The following CDH8 variants were observed in gnomAD, a reference collection of about 807,000 sequenced individuals.
CDH8 encodes cadherin-8.
In CDH8, 17 loss-of-function variants were observed where a neutral mutation model predicts 68.1. The observed-to-expected ratio is 0.25, with a 90% CI of 0.17 to 0.37. The LOEUF (loss-of-function observed/expected upper bound fraction) is 0.37. Among genes scored for constraint, CDH8 ranks in the 10% least tolerant of loss-of-function variants. The pLI is 1.00. For missense variants in CDH8, 763 were observed against 999.3 expected (o/e 0.76, Z 3.19); for synonymous variants, 372 against 365.1 (o/e 1.02, Z -0.21).
intron 3 of CDH8, among the ~76,000 whole-genome samples, chr16:61,876,719 C>A (rs900021263): frequency 6.6e-6 from 1 of 152,038 alleles, no homozygotes; most frequent in Non-Finnish European, 1.5e-5. Flanking sequence ...ATGCTCTCCT[C>A]ATTAAATGAA....
chr16:61,848,009 C>A (rs966503886), intron 4 of CDH8, among the ~76,000 whole-genome samples: 3 of 151,820 alleles, frequency 2.0e-5, no homozygotes, highest in Non-Finnish European at 2.9e-5. Flanking sequence ...ACATGTTTTC[C>A]TATAAAATTA....
At chr16:61,759,972 G>A (rs3905448) in intron 8 of CDH8, among the ~76,000 whole-genome samples, 10,681 of 151,894 alleles carry the variant, frequency 0.07, 902 homozygotes, top group East Asian at 0.23. Flanking sequence ...TGTTAGTCTT[G>A]GAACACCAAT....
At position 61,649,025 on chromosome 16, in the gene CDH8, CTGTT is replaced by C. The variant is rs1306488633; in HGVS notation, c.*4579_*4582del. ...ACAAGGGCAAATAATACATTCAACA[CTGTT>C]TGGCTGAGTAACAGTGCAAAGACAC... On this transcript the variant is annotated 3_prime_UTR_variant, in exon 12 of 12. Coordinates refer to ENST00000577390, the MANE Select transcript of CDH8 (RefSeq NM_001796.5). 2.6e-5 allele frequency: 4 copies of C among 151,974 alleles called. No individual in the cohort carries two copies. Among genetic ancestry groups the C allele is most frequent in the Admixed American group, 2.0e-4 (3 of 15,224 alleles). 9.4% of individuals were successfully genotyped at this position (151,974 alleles called of 1,614,324 possible).
At chr16:61,667,049 T>C (rs1212597784) in intron 10 of CDH8, 2 of 152,052 alleles carry the variant, frequency 1.3e-5, no homozygotes, top group African/African-American at 4.8e-5. Context: ...AGTACCATTA[T>C]AACTTCCTAC....
chr16:61,712,049 C>A (rs1340600541), intron 10 of CDH8, among the ~76,000 whole-genome samples: 2 of 151,718 alleles, frequency 1.3e-5, no homozygotes, highest in African/African-American at 4.8e-5. Flanking sequence ...ATTTTAACTT[C>A]TATTTTCCAG....
chr16:61,879,407 C>T (rs1170048865), intron 3 of CDH8, among the ~76,000 whole-genome samples: 1 of 152,100 alleles, frequency 6.6e-6, no homozygotes, highest in African/African-American at 2.4e-5. Flanking sequence ...AAATAAATTC[C>T]CTATTTGTCA....
intron 4 of CDH8, among the ~76,000 whole-genome samples, chr16:61,836,906 A>G (rs1034014109): frequency 6.6e-6 from 1 of 151,968 alleles, no homozygotes; most frequent in Non-Finnish European, 1.5e-5. Context: ...TGACAACTTG[A>G]TTCTTTCACA....
At chr16:61,832,731 T>A (rs1962487626) in intron 4 of CDH8, among the ~76,000 whole-genome samples, 1 of 151,712 alleles carries the variant, frequency 6.6e-6, no homozygotes, top group African/African-American at 2.4e-5. Context: ...TGGTTAAGGT[T>A]ATAGATATCA....
At chr16:62,011,505 T>C (rs1372021565) in intron 2 of CDH8, among the ~76,000 whole-genome samples, 2 of 152,196 alleles carry the variant, frequency 1.3e-5, no homozygotes, top group East Asian at 3.9e-4. Flanking sequence ...CTTGACCCTT[T>C]TTTAAAATTG....
At chr16:61,659,450 C>T (rs964482327) in intron 10 of CDH8, among the ~76,000 whole-genome samples, 14 of 152,224 alleles carry the variant, frequency 9.2e-5, no homozygotes, top group African/African-American at 1.4e-4. Flanking sequence ...AAAGGTGGGA[C>T]GTCAGACATT....
chr16:61,972,572 GTGTGTGTGTGT>G (rs1190882199), intron 2 of CDH8, among the ~76,000 whole-genome samples: 1 of 58,738 alleles, frequency 1.7e-5, no homozygotes, highest in Non-Finnish European at 3.5e-5. Flanking sequence ...CACATTGTGG[GTGTGTGTGTGT>G]GTGTGTGTGT....
chr16:61,944,312 G>T (rs1450049395), intron 2 of CDH8, among the ~76,000 whole-genome samples: 1 of 152,184 alleles, frequency 6.6e-6, no homozygotes, highest in Non-Finnish European at 1.5e-5. Context: ...AAAGAGTCTG[G>T]ATGTTGATTG....
chr16:61,648,592 A>G lies in CDH8; in HGVS notation c.*5016T>C, dbSNP rs1963254448. On this transcript the variant is annotated 3_prime_UTR_variant, in exon 12 of 12. Coordinates refer to ENST00000577390, the MANE Select transcript of CDH8 (RefSeq NM_001796.5). ...ATCAACCAAACTTAAACCCAGACTC[A>G]AATAGTATTTATCCATAGATAAAAA... 1 of 151,412 alleles carries G rather than the reference A, an allele frequency of 6.6e-6. No individual in the cohort carries two copies. The allele number at this position is 151,412 out of a possible 1,614,324, so 9.4% of individuals were successfully genotyped here. A position where few individuals can be genotyped will look rare whatever the true frequency, so the allele number is the denominator to read the frequency against.
chr16:61,959,830 T>G (rs1272429304), intron 2 of CDH8, among the ~76,000 whole-genome samples: 1 of 148,832 alleles, frequency 6.7e-6, no homozygotes, highest in Non-Finnish European at 1.5e-5. Context: ...TCTGTATGTG[T>G]GTGTGTATAT....
At chr16:61,768,185 T>C (rs1226221816) in intron 8 of CDH8, among the ~76,000 whole-genome samples, 1 of 151,930 alleles carries the variant, frequency 6.6e-6, no homozygotes, top group African/African-American at 2.4e-5. Context: ...TTGAAAAACA[T>C]GGAGTTAAAG....
chr16:61,941,883 C>T (rs985210382), intron 2 of CDH8, among the ~76,000 whole-genome samples: 2 of 152,136 alleles, frequency 1.3e-5, no homozygotes, highest in African/African-American at 2.4e-5. Context: ...TCTCTATTTA[C>T]ACACTCTCCT....
chr16:61,973,508 A>C (rs1965380946), intron 2 of CDH8, among the ~76,000 whole-genome samples: 1 of 152,204 alleles, frequency 6.6e-6, no homozygotes. Flanking sequence ...CTGCAGTGTT[A>C]AAAGGTCAAC....
intron 2 of CDH8, among the ~76,000 whole-genome samples, chr16:61,974,313 G>T (rs767232075): frequency 4.5e-4 from 68 of 152,160 alleles, no homozygotes; most frequent in Non-Finnish European, 7.6e-4. Context: ...AACTATGCTG[G>T]TCTTACCATG....
intron 2 of CDH8, among the ~76,000 whole-genome samples, chr16:61,927,620 T>C (rs1178903551): frequency 1.3e-5 from 2 of 152,162 alleles, no homozygotes; most frequent in Non-Finnish European, 2.9e-5. Flanking sequence ...AAAACTAGGC[T>C]TTCTGTGTTA....
Sources: gnomAD v4.1 joint callset for allele counts (sites outside exome capture counted in the v4.1 genomes callset) on GRCh38, gnomAD v4.1.1 for gene constraint, MANE v1.5 for transcripts, NCBI Gene and HGNC (gene_info 2026-07-23, HGNC 2026-07-21) for gene names.